Variants in NELL1 observed in about 807,000 individuals in gnomAD.
NELL1 encodes the protein neural EGFL like 1, also known as protein kinase C-binding protein NELL1.
In NELL1, 76 loss-of-function variants were observed where a neutral mutation model predicts 107.4. That is an observed-to-expected ratio of 0.71 (90% CI 0.59 to 0.86). The LOEUF is 0.86. Ranked by LOEUF, NELL1 falls within the 40% of genes least tolerant of loss-of-function variation. The pLI is 0.00. For missense variants in NELL1, 1,024 were observed against 1,005.5 expected (o/e 1.02, Z -0.25); for synonymous variants, 353 against 341.2 (o/e 1.03, Z -0.38).
intron 14 of NELL1, among the ~76,000 whole-genome samples, chr11:21,326,255 A>C (rs1438302863): frequency 1.3e-5 from 2 of 149,028 alleles, no homozygotes; most frequent in Non-Finnish European, 3.0e-5. Flanking sequence ...TTACTATTCC[A>C]CTTTATCTAC....
At chr11:21,371,348 C>T (rs539658152) in intron 15 of NELL1, among the ~76,000 whole-genome samples, 5 of 152,186 alleles carry the variant, frequency 3.3e-5, no homozygotes, top group East Asian at 1.9e-4. Context: ...ATGCTCCTTG[C>T]GTAAAACCAC....
rs576303338 is a variant in NELL1 at position 21,353,175 on chromosome 11, T to C, written c.1550-17678T>C. 2.0e-5 allele frequency among the ~76,000 whole-genome samples: 3 copies of C among 152,284 alleles called. No individual in the cohort carries two copies. The East Asian group carries it at 5.8e-4, about 29-fold the overall frequency. On this transcript the variant is annotated intron_variant, in intron 14 of 19. Coordinates refer to ENST00000357134, the MANE Select transcript of NELL1 (RefSeq NM_006157.5). The stretch of plus-strand genomic sequence containing the variant: ...TGATCCCTTCATGGCCAGTATCATG[T>C]GGACTAAACAGATGGGTAAAAAAAG...
At chr11:20,953,129 T>C (rs1851101368) in intron 11 of NELL1, among the ~76,000 whole-genome samples, 1 of 152,212 alleles carries the variant, frequency 6.6e-6, no homozygotes, top group African/African-American at 2.4e-5. Flanking sequence ...ACATGGAATA[T>C]GCTGCCCTCA....
chr11:21,092,756 A>G (rs184316357), intron 12 of NELL1, among the ~76,000 whole-genome samples: 1 of 152,346 alleles, frequency 6.6e-6, no homozygotes, highest in Admixed American at 6.5e-5. Context: ...CTGAATCTAC[A>G]TCAAAGTCTA....
intron 11 of NELL1, among the ~76,000 whole-genome samples, chr11:20,955,106 A>AAG (rs1851143914): frequency 6.6e-6 from 1 of 152,214 alleles, no homozygotes; most frequent in Non-Finnish European, 1.5e-5. Context: ...CCTCCTCTGG[A>AAG]AGAGAGACAC....
In NELL1 at chr11:21,411,276, G is replaced by T. The variant is rs150197727; in HGVS notation, c.1645+40328G>T. Among the ~76,000 whole-genome samples, 938 of 152,114 alleles carry T rather than the reference G, an allele frequency of 6.2e-3. 15 individuals are homozygous for T. Among genetic ancestry groups the T allele is most frequent in the African/African-American group, 0.021 (865 of 41,528 alleles). ...TGCCATATATAGAAAGAGAATGAGA[G>T]AAAACACCACTTTGTGGTTTCACTG... On this transcript the variant is annotated intron_variant, in intron 15 of 19. Transcript: ENST00000357134.
At position 20,680,800 on chromosome 11, in the gene NELL1, T is replaced by C. The variant is rs139394419; in HGVS notation, c.184+2740T>C. Among the ~76,000 whole-genome samples the C allele has an allele frequency of 4.0e-3, 611 of 152,268 alleles. 10 individuals are homozygous for C. Among genetic ancestry groups the C allele is most frequent in the Middle Eastern group, 0.017 (5 of 294 alleles). On this transcript the variant is annotated intron_variant, in intron 2 of 19. Transcript: ENST00000357134. ...TAGTTTAATCAGCTTGTTTCCTGCC[T>C]GTAAAGTTTTGGTGGTTTGTCAGAC...
intron 14 of NELL1, among the ~76,000 whole-genome samples, chr11:21,301,287 A>T (rs192373711): frequency 2.2e-3 from 338 of 152,206 alleles, no homozygotes; most frequent in African/African-American, 7.7e-3. Context: ...GTCAAATGGT[A>T]TTTCTAGTTT....
chr11:21,101,325 A>G (rs1358015857), intron 12 of NELL1, among the ~76,000 whole-genome samples: 1 of 152,202 alleles, frequency 6.6e-6, no homozygotes, highest in Non-Finnish European at 1.5e-5. Flanking sequence ...TTATAGCAGC[A>G]TGATTTATAA....
chr11:20,730,341 G>A (rs1291286782), intron 2 of NELL1, among the ~76,000 whole-genome samples: 4 of 152,162 alleles, frequency 2.6e-5, no homozygotes, highest in Admixed American at 1.3e-4. Context: ...GCCTGAAATT[G>A]CATGTAAATT....
At chr11:20,839,222 G>T (rs969256460) in intron 3 of NELL1, among the ~76,000 whole-genome samples, 2 of 152,126 alleles carry the variant, frequency 1.3e-5, no homozygotes, top group Non-Finnish European at 1.5e-5. Flanking sequence ...GAGTGTAATA[G>T]AACAGTTTTG....
At chr11:21,445,367 C>T (rs11026087) in intron 15 of NELL1, among the ~76,000 whole-genome samples, 49,817 of 133,024 alleles carry the variant, frequency 0.37, 8,617 homozygotes, top group South Asian at 0.52. Flanking sequence ...GCTCTTGCTG[C>T]CCAGGCTGGA....
intron 19 of NELL1, among the ~76,000 whole-genome samples, chr11:21,574,607 C>A (rs1165088702): frequency 1.3e-5 from 2 of 151,788 alleles, no homozygotes; most frequent in Admixed American, 6.6e-5. Flanking sequence ...TCTTAAATGA[C>A]AAATTGCTAT....
chr11:20,688,577 G>A (rs1179752576), intron 2 of NELL1, among the ~76,000 whole-genome samples: 1 of 151,990 alleles, frequency 6.6e-6, no homozygotes, highest in Non-Finnish European at 1.5e-5. Flanking sequence ...TCTTTTTATG[G>A]CTGTGTGATA....
intron 14 of NELL1, among the ~76,000 whole-genome samples, chr11:21,337,757 T>C (rs1420009437): frequency 7.0e-6 from 1 of 143,158 alleles, no homozygotes; most frequent in African/African-American, 2.7e-5. Context: ...TCTTTCTTTC[T>C]TTCTTTCTTT....
At chr11:21,540,307 C>T (rs559807164) in intron 16 of NELL1, among the ~76,000 whole-genome samples, 1 of 152,184 alleles carries the variant, frequency 6.6e-6, no homozygotes, top group East Asian at 1.9e-4. Context: ...ATGTTTGAAC[C>T]CATTGACCAA....
chr11:21,513,882 C>G (rs1199497161), intron 15 of NELL1, among the ~76,000 whole-genome samples: 1 of 152,166 alleles, frequency 6.6e-6, no homozygotes, highest in Admixed American at 6.5e-5. Context: ...GTCTTAGAGC[C>G]TGAGCCCCCC....
chr11:20,990,970 A>G (rs1408941284), intron 12 of NELL1, among the ~76,000 whole-genome samples: 1 of 117,618 alleles, frequency 8.5e-6, no homozygotes, highest in Non-Finnish European at 1.7e-5. Context: ...CCACTCCTGG[A>G]TTCCACAGCT....
At chr11:21,019,291 T>C (rs796951778) in intron 12 of NELL1, among the ~76,000 whole-genome samples, 56 of 152,198 alleles carry the variant, frequency 3.7e-4, no homozygotes, top group African/African-American at 1.3e-3. Context: ...AGCTTTTACA[T>C]AGGAACATTG....
Sources: allele counts gnomAD v4.1 joint callset (sites outside exome capture counted in the v4.1 genomes callset), GRCh38; gene constraint gnomAD v4.1.1; transcripts MANE v1.5; gene names NCBI Gene and HGNC (gene_info 2026-07-23, HGNC 2026-07-21).